The following GBF1 variants were observed in gnomAD, a reference collection of about 807,000 sequenced individuals.
GBF1 encodes Golgi-specific brefeldin A-resistance guanine nucleotide exchange factor 1.
A neutral mutation model predicts 210.5 loss-of-function variants in GBF1; 114 were observed. The observed-to-expected ratio is 0.54, with a 90% CI of 0.47 to 0.63. The LOEUF (loss-of-function observed/expected upper bound fraction) is 0.63, where lower values mean the gene tolerates loss of function less well. GBF1 is among the 30% of genes least tolerant of loss of function. GBF1 has a pLI of 0.00. For missense variants in GBF1, 1,851 were observed against 2,357.7 expected, an observed-to-expected ratio of 0.79 and a Z score of 4.45; for synonymous variants, 850 against 889.2, an observed-to-expected ratio of 0.96 and a Z score of 0.78.
At position 102,380,560 on chromosome 10, in the gene GBF1, G is replaced by T. The variant is rs781618369; in HGVS notation, c.5047G>T (p.Glu1683Ter). ...KNMLLVMDTA[E>*]IFHSADARGG... ...CATGCTTCTGGTGATGGACACAGCG[G>T]AGATTTTCCACAGTGCAGATGCACG... Residue 1683 changes from glutamate to a stop codon, truncating the protein, a stop_gained, in exon 38 of 40, where the codon GAG becomes TAG. Coordinates refer to ENST00000369983, the MANE Select transcript of GBF1 (RefSeq NM_001377137.1). LOFTEE classifies it high-confidence loss of function. 6.2e-7 allele frequency: 1 copy of T among 1,614,084 alleles called. No individual in the cohort carries two copies. Among genetic ancestry groups the T allele is most frequent in the Non-Finnish European group, 8.5e-7 (1 of 1,180,006 alleles).
chr10:102,321,156 G>A (rs2056351945), intron 3 of GBF1, among the ~76,000 whole-genome samples: 1 of 152,110 alleles, frequency 6.6e-6, no homozygotes, highest in Non-Finnish European at 1.5e-5. Context: ...TACAATTAGT[G>A]TTAAAATCAT....
intron 3 of GBF1, among the ~76,000 whole-genome samples, chr10:102,307,829 A>G (rs186967700): frequency 1.2e-4 from 19 of 152,216 alleles, no homozygotes; most frequent in Admixed American, 2.6e-4. Flanking sequence ...CAGATTTCCC[A>G]GTAGGAAAAT....
chr10:102,238,169 A>G, the GBF1 span, among the ~76,000 whole-genome samples: 1,049 of 152,208 alleles, frequency 6.9e-3, 5 homozygotes, highest in Non-Finnish European at 0.01. Context: ...TTTCCTCCCC[A>G]TCATTCTTTT....
chr10:102,270,131 G>A (rs1255453312), intron 3 of GBF1, among the ~76,000 whole-genome samples: 1 of 151,884 alleles, frequency 6.6e-6, no homozygotes, highest in African/African-American at 2.4e-5. Flanking sequence ...GCCCGTCTTG[G>A]CCTCCCAAAG....
intron 3 of GBF1, among the ~76,000 whole-genome samples, chr10:102,287,779 A>G (rs1204323570): frequency 6.6e-6 from 1 of 152,214 alleles, no homozygotes; most frequent in Non-Finnish European, 1.5e-5. Context: ...AGTAAACCTC[A>G]GGAGTAACCA....
At chr10:102,250,669 T>A (rs1380446628) in intron 1 of GBF1, among the ~76,000 whole-genome samples, 1 of 151,994 alleles carries the variant, frequency 6.6e-6, no homozygotes, top group Admixed American at 6.6e-5. Context: ...TTAAAAGTGA[T>A]TAAGAGGCCG....
upstream of GBF1, among the ~76,000 whole-genome samples, chr10:102,244,408 A>T (rs542418123): frequency 4.6e-5 from 7 of 152,340 alleles, no homozygotes; most frequent in Non-Finnish European, 8.8e-5. Context: ...GTCTCCTAGG[A>T]GAAAACCCAT....
In GBF1 at chr10:102,363,816, C is replaced by T. The variant is rs373724788; in HGVS notation, c.2106+18C>T. Reference sequence around the variant, plus strand: ...AAAAGAAGGTACATACATGTATTCCCCAGCCTCTGTCCACCTCTGTCTGGG... The same window carrying T: ...AAAAGAAGGTACATACATGTATTCCTCAGCCTCTGTCCACCTCTGTCTGGG... On this transcript the variant is annotated intron_variant, in intron 17 of 39. Coordinates refer to ENST00000369983, the MANE Select transcript of GBF1 (RefSeq NM_001377137.1). This position sits in a 1 kb window ranked among gnomAD's most constrained non-coding sequence, Gnocchi z 4.2. 7.0e-7 allele frequency: 1 copy of T among 1,423,936 alleles called. No homozygotes were observed. Among genetic ancestry groups the T allele is most frequent in the Non-Finnish European group, 9.9e-7 (1 of 1,007,220 alleles). 88.2% of individuals were successfully genotyped at this position (1,423,936 alleles called of 1,614,324 possible). A position where few individuals can be genotyped will look rare whatever the true frequency, so the allele number is the denominator to read the frequency against.
intron 28 of GBF1, 94 bp from the exon 29 acceptor site, chr10:102,370,613 G>C: frequency 7.4e-7 from 1 of 1,359,290 alleles, no homozygotes; most frequent in Non-Finnish European, 1.0e-6. Context: ...GTCTACTTAG[G>C]GTATAATACC....
At position 102,365,427 on chromosome 10, in the gene GBF1, C is replaced by T. The variant is rs1296762658; in HGVS notation, c.2137C>T (p.Gln713Ter). 6.2e-7 allele frequency: 1 copy of T among 1,613,960 alleles called. No individual in the cohort carries two copies. Among genetic ancestry groups the T allele is most frequent in the African/African-American group, 1.3e-5 (1 of 74,914 alleles). ...AATCACTGGCACAGAGCAGTTCAATCAGAAACCAAAGAAGGGGATTCAGTT... is the reference window on the plus strand; with the variant it reads ...AATCACTGGCACAGAGCAGTTCAATTAGAAACCAAAGAAGGGGATTCAGTT... ...LLITGTEQFN[Q>*]KPKKGIQFLQ... is the part of the protein sequence containing the mutation. The change falls in exon 18 of 40, where the codon CAG (glutamine) becomes TAG (stop). Residue 713 changes from glutamine to a stop codon, truncating the protein, a stop_gained. Coordinates refer to ENST00000369983, the MANE Select transcript of GBF1 (RefSeq NM_001377137.1). LOFTEE classifies it high-confidence loss of function.
intron 1 of GBF1, among the ~76,000 whole-genome samples, chr10:102,258,057 C>T (rs548800241): frequency 1.1e-4 from 16 of 151,622 alleles, no homozygotes; most frequent in African/African-American, 3.4e-4. Context: ...TGAGTTGTAT[C>T]TTGAACTACC....
intron 30 of GBF1, 95 bp downstream of exon 30, chr10:102,375,679 C>G: frequency 3.9e-6 from 3 of 764,536 alleles, no homozygotes; most frequent in Non-Finnish European, 6.6e-6. Flanking sequence ...CTGTGTTCAG[C>G]AGATTAAACA....
chr10:102,319,056 G>T (rs1171571631), intron 3 of GBF1, among the ~76,000 whole-genome samples: 1 of 152,138 alleles, frequency 6.6e-6, no homozygotes, highest in Non-Finnish European at 1.5e-5. Flanking sequence ...AGTGGCTCAT[G>T]CCTGTAATCC....
Position 102,369,273 on chromosome 10 carries a change from A to G in GBF1, c.3036A>G (p.Thr1012=). 6.2e-7 allele frequency: 1 copy of G among 1,613,638 alleles called. No homozygotes were observed. The highest frequency in any genetic ancestry group is 8.5e-7 in the Non-Finnish European group (1 of 1,179,484). The change falls in exon 24 of 40, where the codon ACA becomes ACG. Residue 1012 remains threonine (T), a synonymous_variant. Coordinates refer to ENST00000369983, the MANE Select transcript of GBF1 (RefSeq NM_001377137.1). ...CTAAAGCCCATATTGCAGCCAAGACAGTATTCCATTTGGCCCATCGTCATG... is the reference window on the plus strand; with the variant it reads ...CTAAAGCCCATATTGCAGCCAAGACGGTATTCCATTTGGCCCATCGTCATG... The part of the protein sequence containing the change: ...SNPKAHIAAK[T]VFHLAHRHGD...
At chr10:102,285,845 A>T (rs1182550311) in intron 3 of GBF1, among the ~76,000 whole-genome samples, 1 of 151,566 alleles carries the variant, frequency 6.6e-6, no homozygotes, top group African/African-American at 2.4e-5. Context: ...TCCAGTTTAT[A>T]TGTTGAGTGG....
the GBF1 span, among the ~76,000 whole-genome samples, chr10:102,239,988 G>A: frequency 6.6e-6 from 1 of 152,226 alleles, no homozygotes; most frequent in Non-Finnish European, 1.5e-5. Context: ...CCTCCGCTCA[G>A]CCACCAGGGT....
chr10:102,306,830 G>A (rs2077925507), intron 3 of GBF1, among the ~76,000 whole-genome samples: 1 of 152,220 alleles, frequency 6.6e-6, no homozygotes, highest in African/African-American at 2.4e-5. Flanking sequence ...TCTTGAATTA[G>A]ATCTGAAGCT....
chr10:102,350,205 C>T (rs2058851513), intron 4 of GBF1, among the ~76,000 whole-genome samples: 1 of 151,992 alleles, frequency 6.6e-6, no homozygotes, highest in South Asian at 2.1e-4. Flanking sequence ...CAAAATTAGC[C>T]AGGCGTGGCG....
chr10:102,279,992 C>T (rs910070770), intron 3 of GBF1, among the ~76,000 whole-genome samples: 2 of 151,944 alleles, frequency 1.3e-5, no homozygotes, highest in African/African-American at 4.8e-5. Flanking sequence ...GGCATGGTGG[C>T]ACACACCAGT....
Sources: gnomAD v4.1 joint callset for allele counts (sites outside exome capture counted in the v4.1 genomes callset) on GRCh38, gnomAD v4.1.1 for gene constraint, Gnocchi (gnomAD v3.1) non-coding constraint, MANE v1.5 for transcripts, NCBI Gene and HGNC (gene_info 2026-07-23, HGNC 2026-07-21) for gene names.